Variants in DOCK2 observed in about 807,000 individuals in gnomAD.
DOCK2 encodes dedicator of cytokinesis 2.
DOCK2 carries 87 observed loss-of-function variants against 248.9 expected under a neutral mutation model. The ratio of observed to expected loss-of-function variants is 0.35; its 90% CI spans 0.29 to 0.42. The LOEUF is 0.42. DOCK2 is among the 10% of genes least tolerant of loss of function. The probability of loss-of-function intolerance (pLI) is 1.00; values close to 1 mark genes in which losing one functional copy is unlikely to be tolerated. For synonymous variants in DOCK2, 805 were observed against 821.6 expected, an observed-to-expected ratio of 0.98 and a Z score of 0.35; for missense variants, 1,747 against 2,300.2, an observed-to-expected ratio of 0.76 and a Z score of 4.92.
chr5:169,880,241 G>A (rs1329331110), intron 27 of DOCK2, among the ~76,000 whole-genome samples: 7 of 152,204 alleles, frequency 4.6e-5, no homozygotes. Flanking sequence ...AAAAACAGGT[G>A]GTTCCTCTTT....
intron 17 of DOCK2, 130 bp from the exon 18 acceptor site, chr5:169,713,898 C>T (rs572996535): frequency 3.3e-4 from 336 of 1,026,990 alleles, no homozygotes; most frequent in Middle Eastern, 2.3e-3. Context: ...ATGTCTATTG[C>T]TTCTCTGATG....
chr5:169,853,777 C>G (rs962760158), intron 27 of DOCK2, among the ~76,000 whole-genome samples: 24 of 103,480 alleles, frequency 2.3e-4, no homozygotes, highest in African/African-American at 8.4e-4. Context: ...AACAATTTCA[C>G]TTTCCTTCTA....
chr5:169,996,612 C>G (rs748999671), intron 30 of DOCK2, among the ~76,000 whole-genome samples: 17 of 152,156 alleles, frequency 1.1e-4, no homozygotes, highest in Admixed American at 5.9e-4. Flanking sequence ...TAACTGGGAC[C>G]TCTAAGAGAT....
chr5:170,068,608 A>G (rs931292359), intron 45 of DOCK2, among the ~76,000 whole-genome samples: 4 of 152,224 alleles, frequency 2.6e-5, no homozygotes, highest in African/African-American at 9.6e-5. Flanking sequence ...CTGTTTATAC[A>G]TGAGCACACA....
At chr5:170,074,671 T>C (rs1757783363) in intron 46 of DOCK2, among the ~76,000 whole-genome samples, 1 of 152,240 alleles carries the variant, frequency 6.6e-6, no homozygotes, top group Admixed American at 6.5e-5. Flanking sequence ...TGGCTTCTGC[T>C]TCTGCCTTCT....
chr5:169,801,890 C>T (rs1483384524), intron 25 of DOCK2, among the ~76,000 whole-genome samples: 1 of 151,424 alleles, frequency 6.6e-6, no homozygotes, highest in African/African-American at 2.4e-5. Context: ...TATCTCTGTA[C>T]CTTGATAAGG....
At chr5:170,044,875 G>T (rs1756645203) in intron 38 of DOCK2, among the ~76,000 whole-genome samples, 2 of 152,094 alleles carry the variant, frequency 1.3e-5, no homozygotes, top group Non-Finnish European at 2.9e-5. Context: ...AACTGAAGGT[G>T]AAATGTAATG....
At chr5:170,062,143 G>C (rs1757354752) in intron 44 of DOCK2, among the ~76,000 whole-genome samples, 1 of 151,926 alleles carries the variant, frequency 6.6e-6, no homozygotes, top group Non-Finnish European at 1.5e-5. Context: ...GAGAGAGAGA[G>C]AGAGACAGAG....
intron 15 of DOCK2, 58 bp from the exon 16 acceptor site, chr5:169,711,875 GGT>G: frequency 6.3e-7 from 1 of 1,578,464 alleles, no homozygotes; most frequent in Non-Finnish European, 8.7e-7. Context: ...TGTGTAGGGG[GGT>G]GCAGTGGGGA....
chr5:169,988,212 T>C (rs1778118459), intron 29 of DOCK2, among the ~76,000 whole-genome samples: 1 of 152,220 alleles, frequency 6.6e-6, no homozygotes, highest in Non-Finnish European at 1.5e-5. Context: ...TGATCTCTTA[T>C]GTTTATAGAA....
At chr5:169,753,151 A>T (rs1581140770) in intron 23 of DOCK2, among the ~76,000 whole-genome samples, 1 of 152,332 alleles carries the variant, frequency 6.6e-6, no homozygotes, top group East Asian at 1.9e-4. Flanking sequence ...AGCTTTACAT[A>T]TATTGTTAGC....
intron 3 of DOCK2, 128 bp downstream of exon 3, chr5:169,669,456 T>C: frequency 9.9e-7 from 1 of 1,007,426 alleles, no homozygotes; most frequent in Non-Finnish European, 1.5e-6. Flanking sequence ...TCCTGTGCCC[T>C]GTGCTCTCTG....
chr5:169,776,845 GT>G (rs1765414184), intron 25 of DOCK2, among the ~76,000 whole-genome samples: 1 of 152,172 alleles, frequency 6.6e-6, no homozygotes, highest in South Asian at 2.1e-4. Flanking sequence ...ATGATTGTAA[GT>G]TTTCTGAGGC....
chr5:169,678,273 TTG>T (rs1759450806), intron 6 of DOCK2, among the ~76,000 whole-genome samples: 1 of 152,046 alleles, frequency 6.6e-6, no homozygotes, highest in African/African-American at 2.4e-5. Context: ...AGAAAAGTTT[TTG>T]TTTTTTTTTT....
chr5:169,807,440 T>A (rs1767450196), intron 26 of DOCK2, among the ~76,000 whole-genome samples: 1 of 152,172 alleles, frequency 6.6e-6, no homozygotes, highest in African/African-American at 2.4e-5. Flanking sequence ...GACCTGTCTT[T>A]TTTTTTCCTT....
intron 26 of DOCK2, among the ~76,000 whole-genome samples, chr5:169,825,876 C>T (rs1229592132): frequency 6.7e-6 from 1 of 149,680 alleles, no homozygotes; most frequent in Non-Finnish European, 1.5e-5. Context: ...GAAGACGAGT[C>T]ACAACACTAC....
intron 27 of DOCK2, among the ~76,000 whole-genome samples, chr5:169,958,897 C>G (rs2113740407): frequency 6.6e-6 from 1 of 152,244 alleles, no homozygotes; most frequent in Non-Finnish European, 1.5e-5. Context: ...CGCTTTGTGT[C>G]TCTCAAAGAC....
chr5:169,685,117 C>T (rs767962126), intron 8 of DOCK2, among the ~76,000 whole-genome samples: 1 of 152,188 alleles, frequency 6.6e-6, no homozygotes, highest in Non-Finnish European at 1.5e-5. Context: ...GCCTGAGTTT[C>T]CCATCTGCAT....
chr5:169,766,765 T>C (rs12513771), intron 25 of DOCK2, among the ~76,000 whole-genome samples: 13,887 of 152,226 alleles, frequency 0.091, 1,129 homozygotes, highest in Admixed American at 0.28. Context: ...TTTTTGACTT[T>C]TTATTTATTT....
Sources: allele counts gnomAD v4.1 joint callset (sites outside exome capture counted in the v4.1 genomes callset), GRCh38; gene constraint gnomAD v4.1.1; transcripts MANE v1.5; gene names NCBI Gene and HGNC (gene_info 2026-07-23, HGNC 2026-07-21).